Variants in LHFPL3 observed in about 807,000 individuals in gnomAD.
LHFPL3 encodes the protein LHFPL tetraspan subfamily member 3.
Under a neutral mutation model 19.3 loss-of-function variants are expected in LHFPL3, and 5 were observed. The observed-to-expected ratio is 0.26, with a 90% CI of 0.14 to 0.54. LHFPL3 has a LOEUF of 0.54. Among genes scored for constraint, LHFPL3 ranks in the 20% least tolerant of loss-of-function variants. LHFPL3 has a pLI of 0.94. For missense variants in LHFPL3, 249 were observed against 307.4 expected (o/e 0.81, Z 1.42); for synonymous variants, 133 against 126.2 (o/e 1.05, Z -0.36).
chr7:104,396,800 C>T (rs1050962076), intron 1 of LHFPL3, among the ~76,000 whole-genome samples: 21 of 150,796 alleles, frequency 1.4e-4, no homozygotes, highest in African/African-American at 5.1e-4. Context: ...CTACCAAAAA[C>T]ACACACACAC....
chr7:104,850,337 G>C (rs1791394874), intron 2 of LHFPL3, among the ~76,000 whole-genome samples: 1 of 152,130 alleles, frequency 6.6e-6, no homozygotes, highest in South Asian at 2.1e-4. Context: ...TGCGGTTTTT[G>C]CCGTTATCGT....
intron 1 of LHFPL3, among the ~76,000 whole-genome samples, chr7:104,728,074 C>T (rs748794084): frequency 3.4e-4 from 51 of 152,050 alleles, no homozygotes; most frequent in Middle Eastern, 3.4e-3. Flanking sequence ...GGATGTGGGT[C>T]AAAGAAAAGA....
intron 1 of LHFPL3, among the ~76,000 whole-genome samples, chr7:104,547,748 A>G (rs1189195626): frequency 2.6e-5 from 4 of 152,140 alleles, no homozygotes; most frequent in African/African-American, 4.8e-5. Flanking sequence ...CATGAAAAAT[A>G]GGAGAATGAA....
chr7:104,724,089 T>C (rs1793544588), intron 1 of LHFPL3, among the ~76,000 whole-genome samples: 1 of 152,184 alleles, frequency 6.6e-6, no homozygotes, highest in East Asian at 1.9e-4. Flanking sequence ...TAGCCTAGGA[T>C]CTTGCAGGTA....
rs1289796209 is a variant in LHFPL3, at chr7:104,805,571, C to A, written c.682+68660C>A. ...CCTTCCTATTCCCCTGCTTCGTTCA[C>A]CCCTTCCAGGGTGGCACAGCTGCAG... On this transcript the variant is annotated intron_variant, in intron 2 of 2. Transcript: ENST00000424859. Among the ~76,000 whole-genome samples, 3 of 152,182 alleles carry A rather than the reference C, an allele frequency of 2.0e-5. No individual in the cohort carries two copies. In the East Asian group the frequency reaches 5.8e-4, roughly 29 times the overall value.
intron 2 of LHFPL3, among the ~76,000 whole-genome samples, chr7:104,762,505 G>A (rs149067609): frequency 1.1e-3 from 163 of 152,270 alleles, no homozygotes; most frequent in African/African-American, 3.8e-3. Context: ...GTAAGGCAAC[G>A]TGGATCCTGG....
intron 2 of LHFPL3, among the ~76,000 whole-genome samples, chr7:104,801,521 C>T (rs773034720): frequency 7.9e-5 from 12 of 152,054 alleles, no homozygotes; most frequent in African/African-American, 2.9e-4. Flanking sequence ...TAGTTAGCAC[C>T]AAAGTTTTTT....
intron 2 of LHFPL3, among the ~76,000 whole-genome samples, chr7:104,880,862 T>A (rs1792036837): frequency 6.6e-6 from 1 of 152,128 alleles, no homozygotes; most frequent in Non-Finnish European, 1.5e-5. Flanking sequence ...TACTTTCAAG[T>A]CTTATTATTT....
chr7:104,814,364 A>G (rs1475375897), intron 2 of LHFPL3, among the ~76,000 whole-genome samples: 1 of 152,056 alleles, frequency 6.6e-6, no homozygotes, highest in African/African-American at 2.4e-5. Flanking sequence ...AGCTCTGAGC[A>G]GAGAGGAGGC....
At chr7:104,498,018 G>A (rs976395612) in intron 1 of LHFPL3, among the ~76,000 whole-genome samples, 2 of 152,138 alleles carry the variant, frequency 1.3e-5, no homozygotes, top group African/African-American at 2.4e-5. Context: ...CCCTAGGTGT[G>A]GGGTGGAACA....
intron 1 of LHFPL3, among the ~76,000 whole-genome samples, chr7:104,657,291 A>G (rs969230221): frequency 4.6e-5 from 7 of 152,240 alleles, no homozygotes; most frequent in African/African-American, 1.7e-4. Flanking sequence ...ATGCTGCTGA[A>G]AGGAAGCCTG....
chr7:104,555,743 A>G lies in LHFPL3; in HGVS notation c.446-180932A>G, dbSNP rs116990297. On this transcript the variant is annotated intron_variant, in intron 1 of 2. Transcript: ENST00000424859. Reference sequence around the variant, plus strand: ...TTCTCAACAGTCTCCCAAAGTCTTAACTCACTCCAGCATTAACTCAGAAAT... The same window carrying G: ...TTCTCAACAGTCTCCCAAAGTCTTAGCTCACTCCAGCATTAACTCAGAAAT... Among the ~76,000 whole-genome samples, 847 of 152,222 alleles carry G rather than the reference A, an allele frequency of 5.6e-3. 38 individuals carry two copies. The East Asian group carries it at 0.12, about 22-fold the overall frequency.
chr7:104,441,736 C>T (rs939461812), intron 1 of LHFPL3, among the ~76,000 whole-genome samples: 7 of 152,046 alleles, frequency 4.6e-5, no homozygotes, highest in East Asian at 1.9e-4. Flanking sequence ...CCACCATGCT[C>T]GGCTAATTTT....
intron 1 of LHFPL3, among the ~76,000 whole-genome samples, chr7:104,697,386 A>G (rs1202748532): frequency 6.6e-6 from 1 of 152,244 alleles, no homozygotes; most frequent in East Asian, 1.9e-4. Flanking sequence ...ATTGGCAAGA[A>G]TATAAGGAGT....
At chr7:104,674,119 T>C (rs901666483) in intron 1 of LHFPL3, among the ~76,000 whole-genome samples, 5 of 151,550 alleles carry the variant, frequency 3.3e-5, no homozygotes, top group Non-Finnish European at 4.4e-5. Flanking sequence ...TTGTGCATGA[T>C]TAGGAAAAAC....
intron 1 of LHFPL3, among the ~76,000 whole-genome samples, chr7:104,453,460 G>A (rs1792480248): frequency 6.6e-6 from 1 of 152,028 alleles, no homozygotes; most frequent in South Asian, 2.1e-4. Flanking sequence ...CATTTCAAAG[G>A]GAAGGTTTTC....
intron 2 of LHFPL3, among the ~76,000 whole-genome samples, chr7:104,824,053 G>C (rs1187495907): frequency 3.4e-4 from 47 of 139,942 alleles, no homozygotes; most frequent in Non-Finnish European, 1.5e-5. Flanking sequence ...GGCTGAGGCA[G>C]GGGAATCACT....
intron 2 of LHFPL3, among the ~76,000 whole-genome samples, chr7:104,841,846 C>T (rs950849739): frequency 3.3e-5 from 5 of 152,048 alleles, no homozygotes; most frequent in African/African-American, 9.7e-5. Flanking sequence ...TGATGTGGTC[C>T]TCATTGCCCC....
chr7:104,873,879 C>T (rs915238261), intron 2 of LHFPL3, among the ~76,000 whole-genome samples: 1 of 152,208 alleles, frequency 6.6e-6, no homozygotes, highest in East Asian at 1.9e-4. Context: ...AAGCTAGTCT[C>T]GGTTGCCCTC....
Sources: allele counts gnomAD v4.1 joint callset (sites outside exome capture counted in the v4.1 genomes callset), GRCh38; gene constraint gnomAD v4.1.1; transcripts MANE v1.5; gene names NCBI Gene and HGNC (gene_info 2026-07-23, HGNC 2026-07-21).